The following ROBO1 variants were observed in gnomAD, a reference collection of about 807,000 sequenced individuals.
ROBO1 encodes the protein roundabout homolog 1.
A neutral mutation model predicts 195.9 loss-of-function variants in ROBO1; 149 were observed. The ratio of observed to expected loss-of-function variants is 0.76; its 90% CI spans 0.67 to 0.87. The LOEUF (loss-of-function observed/expected upper bound fraction) is 0.87, where lower values mean the gene tolerates loss of function less well. Ranked by LOEUF, ROBO1 falls within the 40% of genes least tolerant of loss-of-function variation. ROBO1 has a pLI of 0.00. For synonymous variants in ROBO1, 816 were observed against 733.2 expected, an observed-to-expected ratio of 1.11 and a Z score of -1.82; for missense variants, 1,933 against 2,068.3, an observed-to-expected ratio of 0.93 and a Z score of 1.27.
chr3:79,082,711 T>C (rs928645863), intron 3 of ROBO1, among the ~76,000 whole-genome samples: 2 of 152,148 alleles, frequency 1.3e-5, no homozygotes, highest in Admixed American at 1.3e-4. Flanking sequence ...CTTACTATGT[T>C]ACCCTCAAAT....
chr3:78,771,275 A>G (rs1399182556), intron 4 of ROBO1, among the ~76,000 whole-genome samples: 1 of 152,128 alleles, frequency 6.6e-6, no homozygotes, highest in Non-Finnish European at 1.5e-5. Context: ...TTGTACCAGT[A>G]CCATGCTGCT....
chr3:79,603,502 A>G (rs537749535), intron 1 of ROBO1, among the ~76,000 whole-genome samples: 1 of 152,038 alleles, frequency 6.6e-6, no homozygotes, highest in East Asian at 2.0e-4. Context: ...TATGTGAGTA[A>G]TCACTTGAGA....
intron 2 of ROBO1, among the ~76,000 whole-genome samples, chr3:79,374,378 G>T (rs1184994787): frequency 6.6e-6 from 1 of 152,040 alleles, no homozygotes; most frequent in East Asian, 1.9e-4. Flanking sequence ...AGAATGATAG[G>T]TATATGGTTG....
chr3:78,607,157 T>C, intron 28 of ROBO1, 116 bp from the exon 29 acceptor site: 4 of 1,004,626 alleles, frequency 4.0e-6, no homozygotes, highest in Non-Finnish European at 5.7e-6. Flanking sequence ...TTAGATGAAC[T>C]AGAATACTTG....
chr3:79,055,977 G>T (rs2078800100), intron 3 of ROBO1, among the ~76,000 whole-genome samples: 1 of 152,016 alleles, frequency 6.6e-6, no homozygotes, highest in African/African-American at 2.4e-5. Flanking sequence ...TGTGTTTCTA[G>T]TAAAAAAGAA....
chr3:79,541,909 T>G (rs1304607664), intron 2 of ROBO1, among the ~76,000 whole-genome samples: 1 of 151,154 alleles, frequency 6.6e-6, no homozygotes, highest in African/African-American at 2.4e-5. Flanking sequence ...TACATTTGCA[T>G]CATGTAAGAT....
At chr3:79,275,815 G>C (rs555737226) in intron 2 of ROBO1, among the ~76,000 whole-genome samples, 7 of 151,720 alleles carry the variant, frequency 4.6e-5, no homozygotes, top group African/African-American at 1.7e-4. Flanking sequence ...ACAACAATCA[G>C]TTCATTTCTA....
chr3:78,666,238 C>T (rs1043839356), intron 14 of ROBO1, among the ~76,000 whole-genome samples: 4 of 152,170 alleles, frequency 2.6e-5, no homozygotes, highest in African/African-American at 4.8e-5. Flanking sequence ...ATAAACTGCC[C>T]AGTCTCGGGG....
rs62257512 is a variant in ROBO1 at position 78,866,843 on chromosome 3, A to C, written c.499+71758T>G. Among the ~76,000 whole-genome samples, 1,166 of 152,276 alleles carry C rather than the reference A, an allele frequency of 7.7e-3. 9 individuals are homozygous for C. The highest frequency in any genetic ancestry group is 0.013 in the Non-Finnish European group (899 of 68,006). ...AGTAGGATAATGGGAGAGAAAAATA[A>C]ATATAGTCTGTAATTCTAGACCACG... is the stretch of plus-strand genomic sequence containing the variant. On this transcript the variant is annotated intron_variant, in intron 4 of 30. Transcript: ENST00000464233.
chr3:78,600,375 C>G, intron 29 of ROBO1, 66 bp from the exon 30 acceptor site: 1 of 1,014,380 alleles, frequency 9.9e-7, no homozygotes, highest in Non-Finnish European at 1.5e-6. Context: ...TATTGTATCA[C>G]TCCTGTCTAT....
chr3:79,663,078 A>C (rs934001152), intron 1 of ROBO1, among the ~76,000 whole-genome samples: 6 of 152,100 alleles, frequency 3.9e-5, no homozygotes, highest in South Asian at 4.1e-4. Context: ...TATTTTCTTT[A>C]TAAAAATAAT....
At chr3:78,712,533 T>G (rs755342711) in intron 8 of ROBO1, among the ~76,000 whole-genome samples, 1 of 152,124 alleles carries the variant, frequency 6.6e-6, no homozygotes, top group Non-Finnish European at 1.5e-5. Flanking sequence ...ATACTGTGTT[T>G]ATTATTCCAG....
chr3:79,511,587 A>G (rs1940708248), intron 2 of ROBO1, among the ~76,000 whole-genome samples: 1 of 152,132 alleles, frequency 6.6e-6, no homozygotes, highest in Admixed American at 6.6e-5. Context: ...TTTAAGCTTC[A>G]ATACTGGCAA....
At chr3:79,516,199 G>A (rs1231989491) in intron 2 of ROBO1, among the ~76,000 whole-genome samples, 1 of 152,016 alleles carries the variant, frequency 6.6e-6, no homozygotes, top group African/African-American at 2.4e-5. Context: ...TTTACTGTTA[G>A]TATAATTAAA....
chr3:78,897,961 CA>C (rs999486503), intron 4 of ROBO1, among the ~76,000 whole-genome samples: 1 of 150,758 alleles, frequency 6.6e-6, no homozygotes, highest in African/African-American at 2.4e-5. Context: ...AACCAAAATA[CA>C]AAAAAAACCC....
At chr3:78,794,549 A>AACAGCTCC (rs2084127032) in intron 4 of ROBO1, among the ~76,000 whole-genome samples, 1 of 152,162 alleles carries the variant, frequency 6.6e-6, no homozygotes, top group Non-Finnish European at 1.5e-5. Context: ...AATGGAGCAC[A>AACAGCTCC]ACAGCTGTTC....
chr3:78,994,777 T>C (rs1223465254), intron 3 of ROBO1, among the ~76,000 whole-genome samples: 2 of 152,332 alleles, frequency 1.3e-5, no homozygotes, highest in Non-Finnish European at 2.9e-5. Flanking sequence ...AACCTTAACC[T>C]GACTTGTAAC....
intron 3 of ROBO1, 84 bp from the exon 4 acceptor site, chr3:78,939,011 C>A: frequency 1.7e-6 from 2 of 1,207,586 alleles, no homozygotes; most frequent in Non-Finnish European, 1.2e-6. Context: ...TTAACCATTA[C>A]TATTTAAACA....
At chr3:79,039,348 G>A (rs2078438613) in intron 3 of ROBO1, among the ~76,000 whole-genome samples, 1 of 152,252 alleles carries the variant, frequency 6.6e-6, no homozygotes, top group African/African-American at 2.4e-5. Flanking sequence ...GAAATTCAGC[G>A]TTAAAGCTAA....
Sources: allele counts gnomAD v4.1 joint callset (sites outside exome capture counted in the v4.1 genomes callset), GRCh38; gene constraint gnomAD v4.1.1; transcripts MANE v1.5; gene names NCBI Gene and HGNC (gene_info 2026-07-23, HGNC 2026-07-21).